The following ADAMTS2 variants were observed in gnomAD, a reference collection of about 807,000 sequenced individuals.
ADAMTS2 encodes the protein ADAM metallopeptidase with thrombospondin type 1 motif 2.
In ADAMTS2, 50 loss-of-function variants were observed where a neutral mutation model predicts 123.0. That is an observed-to-expected ratio of 0.41 (90% CI 0.32 to 0.51). The LOEUF (loss-of-function observed/expected upper bound fraction) is 0.51. Among genes scored for constraint, ADAMTS2 ranks in the 20% least tolerant of loss-of-function variants. The pLI, the probability that ADAMTS2 is intolerant of heterozygous loss-of-function variation, is 0.35. For missense variants in ADAMTS2, 1,494 were observed against 1,705.2 expected (o/e 0.88, Z 2.18); for synonymous variants, 678 against 695.4 (o/e 0.98, Z 0.39).
chr5:179,166,821 G>A (rs1763709577), intron 5 of ADAMTS2, among the ~76,000 whole-genome samples: 1 of 152,160 alleles, frequency 6.6e-6, no homozygotes, highest in Admixed American at 6.5e-5. Context: ...CCCCAGCCCT[G>A]GCCCACGCCT....
intron 2 of ADAMTS2, 56 bp from the exon 3 acceptor site, chr5:179,273,120 G>T: frequency 6.2e-7 from 1 of 1,611,516 alleles, no homozygotes. Context: ...CCAAGGAAGG[G>T]GAACAGCGAG....
chr5:179,208,526 C>T (rs1019668200), intron 3 of ADAMTS2, among the ~76,000 whole-genome samples: 1 of 152,180 alleles, frequency 6.6e-6, no homozygotes, highest in Admixed American at 6.5e-5. Context: ...CCACTTGGGG[C>T]TGCCATCCTG....
rs570103485 is a variant in ADAMTS2, at chr5:179,302,931, G to A, written c.535-29867C>T. Among the ~76,000 whole-genome samples the A allele has an allele frequency of 2.3e-3, 343 of 150,176 alleles. 2 individuals are homozygous for A. The highest frequency in any genetic ancestry group is 2.8e-3 in the Non-Finnish European group (188 of 67,532). On this transcript the variant is annotated intron_variant, in intron 2 of 21. Transcript: ENST00000251582. ...GGAGTGTGGAGAGCAAAGGGTGGGC[G>A]GGGGCGAGGGACAGGAGGGCAGAGT...
intron 3 of ADAMTS2, among the ~76,000 whole-genome samples, chr5:179,216,606 G>A (rs1235164534): frequency 1.3e-5 from 2 of 152,214 alleles, no homozygotes; most frequent in Non-Finnish European, 2.9e-5. Context: ...TTCCCCAGGA[G>A]GGGCCTTGTC....
chr5:179,208,955 G>A (rs936207567), intron 3 of ADAMTS2, among the ~76,000 whole-genome samples: 8 of 152,210 alleles, frequency 5.3e-5, no homozygotes, highest in Admixed American at 5.2e-4. Flanking sequence ...CGTCCCTGCT[G>A]CACCACCTCT....
chr5:179,330,621 G>A lies in ADAMTS2; in HGVS notation c.534+13146C>T, dbSNP rs535912453. Among the ~76,000 whole-genome samples, 50 of 152,328 alleles carry A rather than the reference G, an allele frequency of 3.3e-4. 1 individual carries two copies. Among genetic ancestry groups the A allele is most frequent in the Non-Finnish European group, 6.3e-4 (43 of 68,036 alleles). ...CCAGTGCCCGTGATCTCCACCCAGC[G>A]CTGCGCACCCTCCAACCTCCACTCC... On this transcript the variant is annotated intron_variant, in intron 2 of 21. Coordinates refer to ENST00000251582, the MANE Select transcript of ADAMTS2 (RefSeq NM_014244.5).
rs1369652734 is a variant in ADAMTS2, at chr5:179,242,114, T to A, written c.688+30797A>T. On this transcript the variant is annotated intron_variant, in intron 3 of 21. Coordinates refer to ENST00000251582, the MANE Select transcript of ADAMTS2 (RefSeq NM_014244.5). The surrounding 1 kb of genome is among the most constrained non-coding windows in gnomAD (Gnocchi z 4.2). ...AGATCTGAACATTGGGAGAAAAAAA[T>A]ATTCCCTTCCTGGCTCAGTAAGCTC... Among the ~76,000 whole-genome samples the A allele has an allele frequency of 6.6e-6, 1 of 152,036 alleles. No homozygotes were observed. Among genetic ancestry groups the A allele is most frequent in the Non-Finnish European group, 1.5e-5 (1 of 68,008 alleles).
chr5:179,236,924 G>A (rs1314585352), intron 3 of ADAMTS2, among the ~76,000 whole-genome samples: 3 of 152,138 alleles, frequency 2.0e-5, no homozygotes, highest in Non-Finnish European at 4.4e-5. Flanking sequence ...TAGGTCATGA[G>A]GGTGGGGCCT....
intron 5 of ADAMTS2, among the ~76,000 whole-genome samples, chr5:179,159,737 G>A (rs1366630941): frequency 6.6e-6 from 1 of 152,202 alleles, no homozygotes; most frequent in Admixed American, 6.5e-5. Context: ...CTGAGACTCA[G>A]AGAAGTTAAG....
Position 179,308,870 on chromosome 5 carries a change from G to A in ADAMTS2, c.534+34897C>T, listed in dbSNP as rs999883554. 3.3e-5 allele frequency among the ~76,000 whole-genome samples: 5 copies of A among 152,200 alleles called. No homozygotes were observed. The highest frequency in any genetic ancestry group is 1.2e-4 in the African/African-American group (5 of 41,452). On this transcript the variant is annotated intron_variant, in intron 2 of 21. Transcript: ENST00000251582. This position sits in a 1 kb window ranked among gnomAD's most constrained non-coding sequence, Gnocchi z 6.6. ...AGCCAGACAGCCACTGAAGCCCTCG[G>A]GGTACTGTTCCCTGCCTTTAGCATC...
At chr5:179,200,795 A>C (rs943431752) in intron 4 of ADAMTS2, among the ~76,000 whole-genome samples, 3 of 152,202 alleles carry the variant, frequency 2.0e-5, no homozygotes, top group Non-Finnish European at 4.4e-5. Flanking sequence ...AAAATGTAGG[A>C]CATCAAAAAC....
chr5:179,304,726 T>C (rs1375991898), intron 2 of ADAMTS2, among the ~76,000 whole-genome samples: 5 of 152,170 alleles, frequency 3.3e-5, no homozygotes, highest in African/African-American at 1.2e-4. Flanking sequence ...CCGAAAGATC[T>C]AACTAACAGT....
rs148217493 is a variant in ADAMTS2, at chr5:179,238,867, C to T, written c.689-31152G>A. ...GAAGGCATCAAAGGATCCCTGACCA[C>T]GGACCGCCCCAGGACCCTTCCACCA... On this transcript the variant is annotated intron_variant, in intron 3 of 21. Transcript: ENST00000251582. Among the ~76,000 whole-genome samples the T allele has an allele frequency of 5.9e-5, 9 of 152,242 alleles. No homozygotes were observed. The East Asian group carries it at 1.4e-3, about 23-fold the overall frequency.
At chr5:179,318,094 C>G (rs564760198) in intron 2 of ADAMTS2, among the ~76,000 whole-genome samples, 1 of 152,344 alleles carries the variant, frequency 6.6e-6, no homozygotes, top group East Asian at 1.9e-4. Flanking sequence ...AGAGGCCCCC[C>G]TTGGACCAGG....
chr5:179,137,730 C>A, intron 12 of ADAMTS2, 39 bp downstream of exon 12: 1 of 1,314,048 alleles, frequency 7.6e-7, no homozygotes. Context: ...CTAGGGCCTG[C>A]CTGCTGAGCC....
chr5:179,139,766 G>C, intron 11 of ADAMTS2, 124 bp downstream of exon 11: 1 of 1,452,862 alleles, frequency 6.9e-7, no homozygotes, highest in Non-Finnish European at 9.4e-7. Flanking sequence ...GGGGCAGCCT[G>C]CCCTGCACCT....
Position 179,189,892 on chromosome 5 carries a change from CG to C in ADAMTS2, c.892-8738del, listed in dbSNP as rs985698611. 2.7e-5 allele frequency among the ~76,000 whole-genome samples: 4 copies of C among 149,112 alleles called. No individual in the cohort carries two copies. Among genetic ancestry groups the C allele is most frequent in the Middle Eastern group, 3.4e-3 (1 of 292 alleles). On this transcript the variant is annotated intron_variant, in intron 4 of 21. Coordinates refer to ENST00000251582, the MANE Select transcript of ADAMTS2 (RefSeq NM_014244.5). The surrounding 1 kb of genome is among the most constrained non-coding windows in gnomAD (Gnocchi z 4.2). ...ATCATACAAAGTAGATTCACAAGGG[CG>C]GGTCCGGCGGGGGCGGGTGGCAATA...
At chr5:179,165,817 G>A (rs988041816) in intron 5 of ADAMTS2, among the ~76,000 whole-genome samples, 5 of 152,328 alleles carry the variant, frequency 3.3e-5, no homozygotes, top group Admixed American at 2.0e-4. Context: ...CCCCAGAAGA[G>A]CCAGGCGGGA....
chr5:179,149,867 C>G (rs1185567254), intron 10 of ADAMTS2, among the ~76,000 whole-genome samples: 1 of 152,152 alleles, frequency 6.6e-6, no homozygotes, highest in African/African-American at 2.4e-5. Flanking sequence ...AGCTCTGCCC[C>G]TCAGTCAGCA....
Sources: gnomAD v4.1 joint callset for allele counts (sites outside exome capture counted in the v4.1 genomes callset) on GRCh38, gnomAD v4.1.1 for gene constraint, Gnocchi (gnomAD v3.1) non-coding constraint, MANE v1.5 for transcripts, NCBI Gene and HGNC (gene_info 2026-07-23, HGNC 2026-07-21) for gene names.